The following CDH13 variants were observed in gnomAD, a reference collection of about 807,000 sequenced individuals.
The protein encoded by CDH13 is cadherin-13.
Under a neutral mutation model 63.8 loss-of-function variants are expected in CDH13, and 24 were observed. That is an observed-to-expected ratio of 0.38 (90% CI 0.27 to 0.53). The LOEUF (loss-of-function observed/expected upper bound fraction) is 0.53, where lower values mean the gene tolerates loss of function less well. CDH13 is among the 20% of genes least tolerant of loss of function. The pLI, the probability that CDH13 is intolerant of heterozygous loss-of-function variation, is 0.85. For synonymous variants in CDH13, 503 were observed against 355.3 expected (o/e 1.42, Z -4.67); for missense variants, 1,049 against 903.1 (o/e 1.16, Z -2.07).
chr16:83,522,777 G>C (rs990630693), intron 7 of CDH13, among the ~76,000 whole-genome samples: 4 of 152,132 alleles, frequency 2.6e-5, no homozygotes, highest in East Asian at 3.9e-4. Context: ...CCTTGGGGCT[G>C]TGCATTCTCC....
chr16:82,937,154 G>A (rs554213036), intron 2 of CDH13, among the ~76,000 whole-genome samples: 4 of 152,292 alleles, frequency 2.6e-5, no homozygotes, highest in East Asian at 3.9e-4. Context: ...CCTCTTGATA[G>A]GGTGGTCACG....
intron 7 of CDH13, among the ~76,000 whole-genome samples, chr16:83,533,618 C>CTTT (rs11365656): frequency 2.2e-4 from 26 of 116,082 alleles, no homozygotes; most frequent in East Asian, 4.9e-4. Flanking sequence ...TTTACATTAT[C>CTTT]TTTTTTTTTT....
intron 1 of CDH13, among the ~76,000 whole-genome samples, chr16:82,835,622 C>G (rs557672734): frequency 1.3e-5 from 2 of 152,150 alleles, no homozygotes; most frequent in African/African-American, 2.4e-5. Context: ...TGCATACAGT[C>G]CTATGCTCCC....
At chr16:82,719,340 A>G (rs1597397617) in intron 1 of CDH13, 1 of 455,558 alleles carries the variant, frequency 2.2e-6, no homozygotes, top group Non-Finnish European at 4.4e-6. Context: ...TTGGAACTTA[A>G]AAGTCTACAT....
At chr16:82,842,508 C>G (rs1259232572) in intron 1 of CDH13, among the ~76,000 whole-genome samples, 1 of 152,004 alleles carries the variant, frequency 6.6e-6, no homozygotes, top group Non-Finnish European at 1.5e-5. Context: ...ACAGTGCTTT[C>G]TCCAGTGACC....
At chr16:83,499,700 G>A (rs539775230) in intron 7 of CDH13, among the ~76,000 whole-genome samples, 2 of 152,344 alleles carry the variant, frequency 1.3e-5, no homozygotes, top group South Asian at 2.1e-4. Context: ...TACAGCACAT[G>A]CTTAGGAGGG....
chr16:82,993,320 A>T (rs1039024304), intron 2 of CDH13, among the ~76,000 whole-genome samples: 1 of 152,040 alleles, frequency 6.6e-6, no homozygotes, highest in Non-Finnish European at 1.5e-5. Flanking sequence ...GATTTCAGAG[A>T]ACGTTCTACA....
At chr16:83,764,171 G>A (rs953604327) in intron 11 of CDH13, among the ~76,000 whole-genome samples, 1 of 152,170 alleles carries the variant, frequency 6.6e-6, no homozygotes, top group Non-Finnish European at 1.5e-5. Flanking sequence ...AATCATGAGT[G>A]CTGAGGCAAA....
intron 5 of CDH13, among the ~76,000 whole-genome samples, chr16:83,310,267 C>G (rs975590426): frequency 2.0e-5 from 3 of 152,048 alleles, no homozygotes; most frequent in Non-Finnish European, 4.4e-5. Context: ...AAATTAGATG[C>G]CTGTCAAATA....
intron 10 of CDH13, among the ~76,000 whole-genome samples, chr16:83,683,191 T>C (rs1244728082): frequency 6.6e-6 from 1 of 152,232 alleles, no homozygotes. Context: ...TTATTAAGAC[T>C]TGTTAAAAAG....
chr16:82,799,528 T>A (rs1173457703), intron 1 of CDH13, among the ~76,000 whole-genome samples: 1 of 152,234 alleles, frequency 6.6e-6, no homozygotes, highest in East Asian at 1.9e-4. Context: ...TTTAGTCTTT[T>A]TTGCAACATT....
intron 10 of CDH13, among the ~76,000 whole-genome samples, chr16:83,692,826 G>A (rs1017648029): frequency 1.3e-5 from 2 of 152,198 alleles, no homozygotes; most frequent in Non-Finnish European, 2.9e-5. Context: ...GCTTACACCT[G>A]TAATCCTAGC....
At chr16:83,744,061 A>C (rs1474702114) in intron 10 of CDH13, among the ~76,000 whole-genome samples, 1 of 152,088 alleles carries the variant, frequency 6.6e-6, no homozygotes, top group Non-Finnish European at 1.5e-5. Context: ...TACCCACTTC[A>C]TCAGGTTGTC....
intron 1 of CDH13, among the ~76,000 whole-genome samples, chr16:82,809,210 G>A (rs1347508712): frequency 6.6e-6 from 1 of 151,588 alleles, no homozygotes; most frequent in African/African-American, 2.4e-5. Context: ...AGTGTTTCGT[G>A]TCACCATATT....
Position 82,771,894 on chromosome 16 carries a change from C to T in CDH13, c.46-86468C>T, listed in dbSNP as rs544340491. Among the ~76,000 whole-genome samples, 5 of 152,364 alleles carry T rather than the reference C, an allele frequency of 3.3e-5. No individual in the cohort carries two copies. The East Asian group carries it at 9.6e-4, about 29-fold the overall frequency. On this transcript the variant is annotated intron_variant, in intron 1 of 13. Transcript: ENST00000567109. The stretch of plus-strand genomic sequence containing the variant: ...GAATGATGTGATTTGCACTTCAGTG[C>T]TGGCCCCTTTGGGGCAAGGCAACTT...
chr16:83,464,377 T>C (rs1296640337), intron 6 of CDH13, among the ~76,000 whole-genome samples: 1 of 152,102 alleles, frequency 6.6e-6, no homozygotes, highest in Non-Finnish European at 1.5e-5. Context: ...CCGGGCGTGA[T>C]GGCACATCCC....
intron 2 of CDH13, among the ~76,000 whole-genome samples, chr16:82,898,744 G>C (rs1180394675): frequency 6.6e-6 from 1 of 152,200 alleles, no homozygotes. Flanking sequence ...GGTCTTCCCA[G>C]TGAATGATGG....
At chr16:83,036,143 CTTTT>C (rs34375178) in intron 3 of CDH13, among the ~76,000 whole-genome samples, 1 of 90,830 alleles carries the variant, frequency 1.1e-5, no homozygotes. Flanking sequence ...GAGCTCTCCT[CTTTT>C]TTTTTTTTTT....
intron 4 of CDH13, among the ~76,000 whole-genome samples, chr16:83,170,629 G>T (rs2037876094): frequency 6.6e-6 from 1 of 152,132 alleles, no homozygotes; most frequent in South Asian, 2.1e-4. Flanking sequence ...AGGAACAAGA[G>T]ATTTTGCTTT....
Sources: allele counts gnomAD v4.1 joint callset (sites outside exome capture counted in the v4.1 genomes callset), GRCh38; gene constraint gnomAD v4.1.1; transcripts MANE v1.5; gene names NCBI Gene and HGNC (gene_info 2026-07-23, HGNC 2026-07-21).